Variants in PRKAR1A observed in about 807,000 individuals in gnomAD.
The protein encoded by PRKAR1A is cAMP-dependent protein kinase type I-alpha regulatory subunit.
In PRKAR1A, 3 loss-of-function variants were observed where a neutral mutation model predicts 52.0. The ratio of observed to expected loss-of-function variants is 0.06; its 90% CI spans 0.03 to 0.15. The LOEUF is 0.15. PRKAR1A is among the 10% of genes least tolerant of loss of function. The probability of loss-of-function intolerance (pLI) is 1.00; values close to 1 mark genes in which losing one functional copy is unlikely to be tolerated. For synonymous variants in PRKAR1A, 188 were observed against 168.4 expected, an observed-to-expected ratio of 1.12 and a Z score of -0.90; for missense variants, 240 against 477.4, an observed-to-expected ratio of 0.50 and a Z score of 4.63.
chr17:68,462,415 G>C, the PRKAR1A span, among the ~76,000 whole-genome samples: 1 of 152,198 alleles, frequency 6.6e-6, no homozygotes, highest in African/African-American at 2.4e-5. Flanking sequence ...CAAGAACACA[G>C]AGACGGGTTC....
the PRKAR1A span, among the ~76,000 whole-genome samples, chr17:68,468,955 T>A: frequency 6.6e-6 from 1 of 152,188 alleles, no homozygotes. Context: ...TAAGTCAGCC[T>A]CTATCTATAG....
At chr17:68,503,331 G>A in the PRKAR1A span, among the ~76,000 whole-genome samples, 2 of 152,126 alleles carry the variant, frequency 1.3e-5, no homozygotes, top group Non-Finnish European at 2.9e-5. Flanking sequence ...AAAGCAAAAG[G>A]TACTTTTGCC....
chr17:68,514,612 A>G (rs1300642483), intron 1 of PRKAR1A, among the ~76,000 whole-genome samples: 1 of 152,252 alleles, frequency 6.6e-6, no homozygotes, highest in African/African-American at 2.4e-5. Context: ...ATCTTCATGC[A>G]AGTTTGAAAC....
In PRKAR1A at chr17:68,524,928, C is replaced by T; in HGVS notation, c.519C>T (p.Asn173=). ...CTCTTTTAGGTGATGAAGGGGATAA[C>T]TTCTATGTGATTGATCAAGGAGAGA... ...TVIQQGDEGD[N]FYVIDQGETD... is the part of the protein sequence containing the mutation. The change falls in exon 6 of 11, where the codon AAC becomes AAT. Residue 173 remains asparagine, a synonymous_variant. Coordinates refer to ENST00000589228, the MANE Select transcript of PRKAR1A (RefSeq NM_002734.5). 1.2e-6 allele frequency: 2 copies of T among 1,609,692 alleles called. No homozygotes were observed. The highest frequency in any genetic ancestry group is 2.7e-5 in the African/African-American group (2 of 74,844).
chr17:68,542,545 C>G (rs2086349930), intron 11 of PRKAR1A: 1 of 717,718 alleles, frequency 1.4e-6, no homozygotes, highest in Non-Finnish European at 2.5e-6. Flanking sequence ...TCAGGCAGAC[C>G]ATGGTGGGAG....
At chr17:68,522,996 A>G (rs1262341904) in intron 3 of PRKAR1A, 70 bp downstream of exon 3, 15 of 1,567,952 alleles carry the variant, frequency 9.6e-6, no homozygotes, top group Admixed American at 5.1e-5. Context: ...GTCTCCTTTG[A>G]TGAATGAATC....
At chr17:68,437,555 A>C in the PRKAR1A span, among the ~76,000 whole-genome samples, 1 of 143,468 alleles carries the variant, frequency 7.0e-6, no homozygotes, top group Non-Finnish European at 1.5e-5. Flanking sequence ...CTGTCTTAAG[A>C]AAAAAAAAAA....
the PRKAR1A span, among the ~76,000 whole-genome samples, chr17:68,474,751 T>C: frequency 0.79 from 120,345 of 152,022 alleles, 48,315 homozygotes; most frequent in African/African-American, 0.89. Context: ...AAAAATTAGC[T>C]GGGCGTGGTG....
At chr17:68,538,258 A>G (rs770441696), downstream of PRKAR1A, among the ~76,000 whole-genome samples, 1 of 152,234 alleles carries the variant, frequency 6.6e-6, no homozygotes, top group Non-Finnish European at 1.5e-5. Context: ...TTTATGTGGG[A>G]ATCTGACTTG....
chr17:68,424,682 C>T, the PRKAR1A span: 3 of 345,368 alleles, frequency 8.7e-6, no homozygotes, highest in Non-Finnish European at 1.1e-5. Flanking sequence ...TTGAGACCAG[C>T]GTGACCAACA....
the PRKAR1A span, among the ~76,000 whole-genome samples, chr17:68,441,870 C>A: frequency 6.6e-6 from 1 of 152,306 alleles, no homozygotes; most frequent in African/African-American, 2.4e-5. Flanking sequence ...CAAAGAACAT[C>A]AGAGGTCTAA....
Position 68,512,546 on chromosome 17 carries a change from C to G in PRKAR1A, c.-9C>G, listed in dbSNP as rs1441025170. The G allele has an allele frequency of 2.6e-5, 4 of 154,772 alleles. 2 individuals are homozygous for G. In the South Asian group the frequency reaches 8.0e-4, roughly 31 times the overall value. The allele number at this position is 154,772 out of a possible 1,614,324, so 9.6% of individuals were successfully genotyped here. A position where few individuals can be genotyped will look rare whatever the true frequency, so the allele number is the denominator to read the frequency against. ...CCTCGCGCCCGCCGCCGCCCGTCCC[C>G]AGGTGAGTGGGGTCGGCCGGGGGCT... On this transcript the variant is annotated splice_region_variant and 5_prime_UTR_variant, in exon 1 of 11. Coordinates refer to ENST00000589228, the MANE Select transcript of PRKAR1A (RefSeq NM_002734.5).
At chr17:68,485,360 T>C in the PRKAR1A span, among the ~76,000 whole-genome samples, 5 of 152,330 alleles carry the variant, frequency 3.3e-5, no homozygotes, top group African/African-American at 1.2e-4. Flanking sequence ...GATTGTGTTG[T>C]ATAATGCAGC....
the PRKAR1A span, among the ~76,000 whole-genome samples, chr17:68,441,558 G>A: frequency 6.6e-6 from 1 of 152,138 alleles, no homozygotes; most frequent in East Asian, 1.9e-4. Context: ...TGTATAATTG[G>A]CAGGGCGGAG....
the PRKAR1A span, among the ~76,000 whole-genome samples, chr17:68,415,977 G>C: frequency 7.9e-5 from 12 of 152,110 alleles, no homozygotes; most frequent in Non-Finnish European, 2.9e-5. Flanking sequence ...CTGCTGTTTT[G>C]TATTTTTTTA....
At chr17:68,550,989 C>A in intron 11 of PRKAR1A, 1 of 1,077,910 alleles carries the variant, frequency 9.3e-7, no homozygotes, top group Non-Finnish European at 1.2e-6. Context: ...TTGGAATCTG[C>A]CAGTCTAATT....
the PRKAR1A span, chr17:68,435,801 C>A: frequency 8.2e-7 from 1 of 1,213,276 alleles, no homozygotes; most frequent in South Asian, 1.3e-5. Flanking sequence ...TCTCCTTTCT[C>A]CCTCCTTTGT....
the PRKAR1A span, chr17:68,435,756 G>A: frequency 1.9e-6 from 3 of 1,576,268 alleles, no homozygotes; most frequent in South Asian, 3.3e-5. Flanking sequence ...TGCGGAGGAG[G>A]GAAGATGGAT....
At chr17:68,529,664 C>G (rs768536926) in intron 9 of PRKAR1A, among the ~76,000 whole-genome samples, 2 of 152,236 alleles carry the variant, frequency 1.3e-5, no homozygotes, top group Non-Finnish European at 2.9e-5. Flanking sequence ...AGACAGTGAG[C>G]TTGGATTTAG....
Sources: gnomAD v4.1 joint callset for allele counts (sites outside exome capture counted in the v4.1 genomes callset) on GRCh38, gnomAD v4.1.1 for gene constraint, MANE v1.5 for transcripts, NCBI Gene and HGNC (gene_info 2026-07-23, HGNC 2026-07-21) for gene names.